The following USB1 variants were observed in gnomAD, a reference collection of about 807,000 sequenced individuals.
USB1 encodes U6 snRNA phosphodiesterase 1.
Under a neutral mutation model 29.9 loss-of-function variants are expected in USB1, and 21 were observed. The observed-to-expected ratio is 0.70, with a 90% CI of 0.50 to 1.01. The LOEUF is 1.01. Ranked by LOEUF, USB1 falls within the 50% of genes least tolerant of loss-of-function variation. USB1 has a pLI of 0.00. For missense variants in USB1, 330 were observed against 347.1 expected, an observed-to-expected ratio of 0.95 and a Z score of 0.39; for synonymous variants, 143 against 134.9, an observed-to-expected ratio of 1.06 and a Z score of -0.42.
intron 2 of USB1, among the ~76,000 whole-genome samples, chr16:58,009,580 C>T (rs1211948965): frequency 1.3e-5 from 2 of 151,750 alleles, no homozygotes; most frequent in Admixed American, 1.3e-4. Context: ...AAAATATTAT[C>T]CAGGCGTGGT....
At chr16:58,008,454 T>C (rs1219374241) in intron 2 of USB1, among the ~76,000 whole-genome samples, 3 of 18,908 alleles carry the variant, frequency 1.6e-4, no homozygotes, top group Non-Finnish European at 5.9e-4. Flanking sequence ...TTTCTTTTTC[T>C]TTTTTTTTTT....
At chr16:58,006,145 G>A (rs1963347513) in intron 2 of USB1, among the ~76,000 whole-genome samples, 1 of 151,924 alleles carries the variant, frequency 6.6e-6, no homozygotes, top group South Asian at 2.1e-4. Context: ...CTGAGGTTGG[G>A]AGTTCAAGAC....
intron 3 of USB1, chr16:58,011,059 C>A: frequency 1.3e-6 from 1 of 783,624 alleles, no homozygotes; most frequent in Non-Finnish European, 2.2e-6. Flanking sequence ...ACCAAAGATG[C>A]CCCTGTCACC....
At chr16:58,011,682 A>C (rs1021499690) in intron 3 of USB1, 3 of 987,862 alleles carry the variant, frequency 3.0e-6, no homozygotes, top group Non-Finnish European at 3.6e-6. Flanking sequence ...TCCAGAGATC[A>C]GTTGGTCCTG....
At chr16:58,014,180 A>G (rs1421578972) in intron 3 of USB1, 93 bp from the exon 4 acceptor site, 10 of 1,018,884 alleles carry the variant, frequency 9.8e-6, no homozygotes, top group East Asian at 2.5e-5. Flanking sequence ...TGAGTTAACT[A>G]TATTTTCAAA....
chr16:58,010,113 G>T lies in USB1; in HGVS notation c.449+1G>T. The T allele has an allele frequency of 6.2e-7, 1 of 1,613,896 alleles. No individual in the cohort carries two copies. Among genetic ancestry groups the T allele is most frequent in the Non-Finnish European group, 8.5e-7 (1 of 1,179,966 alleles). On this transcript the variant is annotated splice_donor_variant, in intron 3 of 6. Coordinates refer to ENST00000219281, the MANE Select transcript of USB1 (RefSeq NM_024598.4). LOFTEE classifies it high-confidence loss of function. ...AAGCCCGTATGACCTCCTTCCACAG[G>T]TGAGTGCTTCTTCCCTCTGCCTCTC... is the stretch of plus-strand genomic sequence containing the variant.
At chr16:58,008,868 T>C (rs1022233131) in intron 2 of USB1, among the ~76,000 whole-genome samples, 2 of 151,804 alleles carry the variant, frequency 1.3e-5, no homozygotes, top group African/African-American at 4.8e-5. Flanking sequence ...GTTCAAAATA[T>C]TTATAAAGTT....
chr16:58,018,137 G>T (rs113523536), intron 5 of USB1, among the ~76,000 whole-genome samples: 5 of 151,994 alleles, frequency 3.3e-5, no homozygotes, highest in African/African-American at 1.2e-4. Flanking sequence ...AAATACCATA[G>T]ACTGGGTGGC....
intron 5 of USB1, 114 bp downstream of exon 5, chr16:58,017,553 G>T: frequency 2.1e-6 from 2 of 964,122 alleles, no homozygotes; most frequent in Non-Finnish European, 3.3e-6. Flanking sequence ...CTCCCGTGTC[G>T]GTGCTCTGAA....
At chr16:58,019,096 A>G (rs1963684834) in intron 6 of USB1, 41 bp downstream of exon 6, 1 of 1,598,058 alleles carries the variant, frequency 6.3e-7, no homozygotes, top group Admixed American at 1.7e-5. Context: ...GCTGAACTCC[A>G]GAAATGACAG....
At chr16:58,017,886 T>C (rs1963655304) in intron 5 of USB1, among the ~76,000 whole-genome samples, 1 of 152,004 alleles carries the variant, frequency 6.6e-6, no homozygotes, top group African/African-American at 2.4e-5. Flanking sequence ...TTATTTGATA[T>C]ATGTTTTTAA....
chr16:58,007,238 A>G (rs1963382509), intron 2 of USB1, among the ~76,000 whole-genome samples: 2 of 152,230 alleles, frequency 1.3e-5, no homozygotes, highest in African/African-American at 4.8e-5. Flanking sequence ...TAAGTCAGGA[A>G]GTATTCTCTC....
chr16:58,011,217 C>G (rs1368243496), intron 3 of USB1: 3 of 1,505,208 alleles, frequency 2.0e-6, no homozygotes, highest in African/African-American at 2.8e-5. Flanking sequence ...AGGCTGAGAC[C>G]AACACATATG....
At chr16:58,019,085 C>A in intron 6 of USB1, 30 bp downstream of exon 6, 2 of 1,607,306 alleles carry the variant, frequency 1.2e-6, no homozygotes, top group South Asian at 1.1e-5. Flanking sequence ...GCACAGAGGG[C>A]GCTGAACTCC....
Position 58,014,291 on chromosome 16 carries a change from C to G in USB1, c.468C>G (p.Asn156Lys), listed in dbSNP as rs372875085. The G allele has an allele frequency of 6.2e-7, 1 of 1,613,586 alleles. No homozygotes were observed. Among genetic ancestry groups the G allele is most frequent in the East Asian group, 2.2e-5 (1 of 44,882 alleles). ...TSFHRFFFTA[N>K]QVKIYTNQEK... ...ATTTCAGATTCTTCTTTACTGCCAA[C>G]CAGGTAAAGATTTACACCAATCAAG... The change falls in exon 4 of 7, where the codon AAC becomes AAG. Residue 156 changes from asparagine to lysine, a missense_variant. Asn to Lys is a moderately conservative substitution (Grantham distance 94). Transcript: ENST00000219281.
chr16:58,002,423 A>G, intron 1 of USB1, 56 bp from the exon 2 acceptor site: 3 of 1,608,998 alleles, frequency 1.9e-6, no homozygotes, highest in Non-Finnish European at 2.5e-6. Flanking sequence ...GGTATATACA[A>G]AGGTAGAGAA....
In USB1 at chr16:58,020,314, G is replaced by T. The variant is rs1286299721; in HGVS notation, c.*69G>T. ...TGAGATGGAGGAACCTGCTAAAATC[G>T]ATGGAGATGCTTCTAGCCTCCCAGT... On this transcript the variant is annotated 3_prime_UTR_variant, in exon 7 of 7. Coordinates refer to ENST00000219281, the MANE Select transcript of USB1 (RefSeq NM_024598.4). The T allele has an allele frequency of 6.7e-7, 1 of 1,490,538 alleles. No individual in the cohort carries two copies. The highest frequency in any genetic ancestry group is 2.3e-5 in the East Asian group (1 of 43,472). The allele number at this position is 1,490,538 out of a possible 1,614,324, so 92.3% of individuals were successfully genotyped here. A position where few individuals can be genotyped will look rare whatever the true frequency, so the allele number is the denominator to read the frequency against.
Position 58,002,589 on chromosome 16 carries a change from G to C in USB1, c.209G>C (p.Arg70Pro). The stretch of plus-strand genomic sequence containing the variant: ...GATGACAGCACAAAACACGGGGGAC[G>C]GGTGCGCACCTTCCCCCACGAGCGA... ...PEDDSTKHGG[R>P]VRTFPHERGN... The change falls in exon 2 of 7, where the codon CGG (arginine) becomes CCG (proline). Residue 70 changes from arginine to proline, a missense_variant. Physicochemically the swap from Arg to Pro is moderately radical, Grantham distance 103 (BLOSUM62 -2). Transcript: ENST00000219281. 1 of 1,614,032 alleles carries C rather than the reference G, an allele frequency of 6.2e-7. No individual in the cohort carries two copies. Among genetic ancestry groups the C allele is most frequent in the Admixed American group, 1.7e-5 (1 of 60,026 alleles).
At chr16:58,009,420 T>G (rs1963438295) in intron 2 of USB1, among the ~76,000 whole-genome samples, 1 of 152,188 alleles carries the variant, frequency 6.6e-6, no homozygotes, top group Non-Finnish European at 1.5e-5. Context: ...AGGGTAGACC[T>G]TGTTAAGAAA....
Sources: gnomAD v4.1 joint callset for allele counts (sites outside exome capture counted in the v4.1 genomes callset) on GRCh38, gnomAD v4.1.1 for gene constraint, MANE v1.5 for transcripts, NCBI Gene and HGNC (gene_info 2026-07-23, HGNC 2026-07-21) for gene names.